The following ARHGEF26 variants were observed in gnomAD, a reference collection of about 807,000 sequenced individuals.
ARHGEF26 encodes the protein Rho guanine nucleotide exchange factor 26, also known as Rho guanine nucleotide exchange factor (GEF) 26.
A neutral mutation model predicts 89.4 loss-of-function variants in ARHGEF26; 59 were observed. That is an observed-to-expected ratio of 0.66 (90% CI 0.54 to 0.82). The LOEUF is 0.82. ARHGEF26 is among the 40% of genes least tolerant of loss of function. ARHGEF26 has a pLI of 0.00. For missense variants in ARHGEF26, 1,234 were observed against 1,085.6 expected (o/e 1.14, Z -1.92); for synonymous variants, 500 against 428.4 (o/e 1.17, Z -2.06).
intron 9 of ARHGEF26, among the ~76,000 whole-genome samples, chr3:154,204,966 A>T (rs1300288733): frequency 6.6e-6 from 1 of 152,164 alleles, no homozygotes; most frequent in Non-Finnish European, 1.5e-5. Context: ...GATCCAAAGA[A>T]TGTGTATTTT....
intron 6 of ARHGEF26, among the ~76,000 whole-genome samples, chr3:154,158,511 T>C (rs1035958905): frequency 1.3e-5 from 2 of 152,192 alleles, no homozygotes; most frequent in Admixed American, 6.5e-5. Flanking sequence ...ATTTAGGTAG[T>C]ACCTAGATGA....
Position 154,122,617 on chromosome 3 carries a change from A to T in ARHGEF26, c.625A>T (p.Ser209Cys). The T allele has an allele frequency of 6.2e-7, 1 of 1,613,774 alleles. No homozygotes were observed. The highest frequency in any genetic ancestry group is 8.5e-7 in the Non-Finnish European group (1 of 1,179,876). The change falls in exon 2 of 15, where the codon AGT becomes TGT. Residue 209 changes from serine to cysteine, a missense_variant. Transcript: ENST00000465093. ...GGGGCTCTTTCCTGGGCCCCAGAAA[A>T]GTTCTTCGGAACAAAAACTCCCCCT... ...ERGLFPGPQK[S>C]SSEQKLPLQR...
intron 8 of ARHGEF26, among the ~76,000 whole-genome samples, chr3:154,192,717 AC>A (rs1296886675): frequency 6.6e-6 from 1 of 152,222 alleles, no homozygotes; most frequent in Non-Finnish European, 1.5e-5. Flanking sequence ...ATTATTTCAA[AC>A]ATGACTATTT....
chr3:154,240,341 T>A, intron 11 of ARHGEF26, 29 bp from the exon 12 acceptor site: 1 of 1,532,802 alleles, frequency 6.5e-7, no homozygotes, highest in Non-Finnish European at 8.9e-7. Flanking sequence ...GCTGAATAAT[T>A]GACGTGTTCT....
In ARHGEF26 at chr3:154,255,360, G is replaced by A. The variant is rs757121201; in HGVS notation, c.2503G>A (p.Gly835Arg). The change falls in exon 15 of 15, where the codon GGA becomes AGA. Residue 835 changes from glycine (G) to arginine (R), a missense_variant. Gly to Arg is a moderately radical substitution (Grantham distance 125, BLOSUM62 -2). Transcript: ENST00000465093. ...GTATGAGGGGGAACGACTACGAGAT[G>A]GAGAAAGAGGCTGGTTTCCTATGGA... is the stretch of plus-strand genomic sequence containing the variant. ...GWYEGERLRD[G>R]ERGWFPMECA... The A allele has an allele frequency of 7.4e-6, 12 of 1,613,512 alleles. No individual in the cohort carries two copies. The highest frequency in any genetic ancestry group is 9.3e-6 in the Non-Finnish European group (11 of 1,179,812).
intron 6 of ARHGEF26, among the ~76,000 whole-genome samples, chr3:154,155,340 G>A (rs149799365): frequency 3.8e-4 from 57 of 151,992 alleles, no homozygotes; most frequent in African/African-American, 1.3e-3. Flanking sequence ...TCTAATGCTC[G>A]CTGAAACACA....
intron 9 of ARHGEF26, among the ~76,000 whole-genome samples, chr3:154,214,966 AATT>A (rs769921834): frequency 5.9e-5 from 9 of 152,196 alleles, no homozygotes; most frequent in African/African-American, 9.6e-5. Flanking sequence ...AGCAATTAGA[AATT>A]GTTTAAGTGC....
At chr3:154,216,696 C>A (rs1329213168) in intron 9 of ARHGEF26, among the ~76,000 whole-genome samples, 1 of 72,492 alleles carries the variant, frequency 1.4e-5, no homozygotes, top group Non-Finnish European at 2.5e-5. Flanking sequence ...TCCCCCACCC[C>A]ACAACAGTCC....
Position 154,228,550 on chromosome 3 carries a change from AT to A in ARHGEF26, c.2090+2550del, listed in dbSNP as rs1319864750. Among the ~76,000 whole-genome samples, 12 of 147,392 alleles carry A rather than the reference AT, an allele frequency of 8.1e-5. 1 individual carries two copies. The highest frequency in any genetic ancestry group is 1.4e-4 in the Admixed American group (2 of 14,742). On this transcript the variant is annotated intron_variant, in intron 11 of 14. Coordinates refer to ENST00000465093, the MANE Select transcript of ARHGEF26 (RefSeq NM_015595.4). ...TAACTTGGCCTTTACCAAAACTAGA[AT>A]TTTTTTTTTGCCTTACCAATTAGTT... is the stretch of plus-strand genomic sequence containing the variant.
Position 154,191,298 on chromosome 3 carries a change from TCCATC to T in ARHGEF26, c.1652_1656del (p.Pro551LeufsTer2). The T allele has an allele frequency of 6.2e-7, 1 of 1,610,904 alleles. No homozygotes were observed. Among genetic ancestry groups the T allele is most frequent in the African/African-American group, 1.3e-5 (1 of 75,000 alleles). ...CTTTGTTTTCCCTCAGAGCTACCAA[TCCATC>T]CTTTAAGGAAGTATTGTCAAGGATT... On this transcript the variant is annotated frameshift_variant, in exon 8 of 15. Coordinates refer to ENST00000465093, the MANE Select transcript of ARHGEF26 (RefSeq NM_015595.4). LOFTEE classifies it high-confidence loss of function.
intron 11 of ARHGEF26, among the ~76,000 whole-genome samples, chr3:154,237,673 C>CA (rs1717204201): frequency 6.6e-6 from 1 of 152,110 alleles, no homozygotes; most frequent in African/African-American, 2.4e-5. Flanking sequence ...TTTATGTTGA[C>CA]AACATTTTCG....
At chr3:154,158,287 A>G (rs183136085) in intron 6 of ARHGEF26, among the ~76,000 whole-genome samples, 1 of 152,220 alleles carries the variant, frequency 6.6e-6, no homozygotes, top group African/African-American at 2.4e-5. Context: ...GTGTGCATGG[A>G]TCTTAAGTCC....
intron 12 of ARHGEF26, among the ~76,000 whole-genome samples, chr3:154,250,731 A>G (rs1041226297): frequency 6.6e-6 from 1 of 152,180 alleles, no homozygotes; most frequent in African/African-American, 2.4e-5. Flanking sequence ...GAGAGACACA[A>G]ATGGATCATT....
In ARHGEF26 at chr3:154,234,108, C is replaced by T. The variant is rs193068258; in HGVS notation, c.2091-6262C>T. On this transcript the variant is annotated intron_variant, in intron 11 of 14. Transcript: ENST00000465093. ...AAGTGCTGCTTGGGTTTCCATCTGT[C>T]GGATTTGGGCCATAAAACAGAGTTT... is the stretch of plus-strand genomic sequence containing the variant. 3.4e-3 allele frequency among the ~76,000 whole-genome samples: 521 copies of T among 152,186 alleles called. 6 individuals are homozygous for T. The highest frequency in any genetic ancestry group is 3.2e-3 in the Non-Finnish European group (220 of 68,002).
At chr3:154,156,249 T>C (rs1440692057) in intron 6 of ARHGEF26, among the ~76,000 whole-genome samples, 1 of 152,104 alleles carries the variant, frequency 6.6e-6, no homozygotes, top group African/African-American at 2.4e-5. Context: ...TTGAAATAAG[T>C]CATTTTATTT....
intron 10 of ARHGEF26, among the ~76,000 whole-genome samples, chr3:154,224,386 A>G (rs1437160879): frequency 1.3e-5 from 2 of 152,198 alleles, no homozygotes; most frequent in African/African-American, 4.8e-5. Context: ...ACTCCATAAA[A>G]ATGAATCTGC....
At chr3:154,144,471 A>G (rs1037721169) in intron 4 of ARHGEF26, among the ~76,000 whole-genome samples, 1 of 152,250 alleles carries the variant, frequency 6.6e-6, no homozygotes, top group African/African-American at 2.4e-5. Context: ...TGAATCAGGA[A>G]TTGACAAGAC....
chr3:154,165,861 C>T (rs573866607), intron 6 of ARHGEF26, among the ~76,000 whole-genome samples: 1 of 152,170 alleles, frequency 6.6e-6, no homozygotes, highest in East Asian at 1.9e-4. Context: ...TTTTTCTAAA[C>T]AATAATTTCT....
At chr3:154,188,567 T>C (rs1402841172) in intron 7 of ARHGEF26, among the ~76,000 whole-genome samples, 2 of 152,184 alleles carry the variant, frequency 1.3e-5, no homozygotes, top group African/African-American at 2.4e-5. Context: ...AGTAGCTGTT[T>C]TACAGCACAG....
Sources: gnomAD v4.1 joint callset for allele counts (sites outside exome capture counted in the v4.1 genomes callset) on GRCh38, gnomAD v4.1.1 for gene constraint, MANE v1.5 for transcripts, NCBI Gene and HGNC (gene_info 2026-07-23, HGNC 2026-07-21) for gene names.